The following OR1J2 variants were observed in gnomAD, a reference collection of about 807,000 sequenced individuals.
OR1J2 encodes the protein olfactory receptor family 1 subfamily J member 2, also known as olfactory receptor 1J2.
For synonymous variants in OR1J2, 142 were observed against 99.7 expected (o/e 1.42, Z -2.52); for missense variants, 304 against 246.1 (o/e 1.24, Z -1.57).
the OR1J2 span, among the ~76,000 whole-genome samples, chr9:122,542,850 C>A: frequency 1.3e-5 from 2 of 152,274 alleles, no homozygotes; most frequent in African/African-American, 4.8e-5. Context: ...TTCCCAGAGT[C>A]AAATTAATAG....
chr9:122,572,371 G>A, the OR1J2 span, among the ~76,000 whole-genome samples: 1 of 152,142 alleles, frequency 6.6e-6, no homozygotes, highest in African/African-American at 2.4e-5. Flanking sequence ...GGCTGCCTTG[G>A]GAATACAGAA....
At chr9:122,457,319 T>A in the OR1J2 span, among the ~76,000 whole-genome samples, 3 of 152,022 alleles carry the variant, frequency 2.0e-5, no homozygotes, top group Non-Finnish European at 4.4e-5. Context: ...CAAACCACCA[T>A]GGCACACGTT....
the OR1J2 span, chr9:122,553,432 C>G: frequency 3.7e-6 from 6 of 1,614,058 alleles, no homozygotes; most frequent in Non-Finnish European, 5.1e-6. Context: ...TTAACTGATG[C>G]CTGTTTCACT....
the OR1J2 span, among the ~76,000 whole-genome samples, chr9:122,546,486 T>G: frequency 2.0e-5 from 3 of 152,190 alleles, no homozygotes; most frequent in African/African-American, 7.2e-5. Context: ...CCTGCTGCCT[T>G]GCTGTGAGCT....
the OR1J2 span, among the ~76,000 whole-genome samples, chr9:122,525,804 T>G: frequency 6.6e-6 from 1 of 152,192 alleles, no homozygotes; most frequent in Non-Finnish European, 1.5e-5. Flanking sequence ...TCTCTTTAGC[T>G]ATTCTGCAGC....
chr9:122,477,289 C>T, the OR1J2 span: 12 of 1,613,982 alleles, frequency 7.4e-6, 1 homozygote, highest in South Asian at 1.1e-4. Context: ...AACCAGGATG[C>T]ACAGGAATGG....
At chr9:122,477,863 C>G in the OR1J2 span, 990 of 1,613,738 alleles carry the variant, frequency 6.1e-4, 2 homozygotes, top group Non-Finnish European at 8.1e-4. Flanking sequence ...GCCTGCTGCT[C>G]TGGCCGGATG....
chr9:122,559,180 G>A, the OR1J2 span, among the ~76,000 whole-genome samples: 1 of 151,990 alleles, frequency 6.6e-6, no homozygotes, highest in Non-Finnish European at 1.5e-5. Flanking sequence ...TAGATCTGTT[G>A]ACTAACCTAT....
At chr9:122,475,611 G>T in the OR1J2 span, 8 of 152,090 alleles carry the variant, frequency 5.3e-5, no homozygotes. Context: ...CAAGTGTTAC[G>T]ATATTGATTA....
At chr9:122,561,677 G>A in the OR1J2 span, among the ~76,000 whole-genome samples, 3 of 152,148 alleles carry the variant, frequency 2.0e-5, no homozygotes, top group African/African-American at 4.8e-5. Context: ...GTCACTGGGG[G>A]AAGCTGGAGA....
At chr9:122,458,969 C>G in the OR1J2 span, among the ~76,000 whole-genome samples, 4 of 151,836 alleles carry the variant, frequency 2.6e-5, no homozygotes, top group African/African-American at 9.7e-5. Flanking sequence ...TTATCTGTCT[C>G]TTTTCATCCT....
At chr9:122,478,428 G>T in the OR1J2 span, among the ~76,000 whole-genome samples, 1 of 152,168 alleles carries the variant, frequency 6.6e-6, no homozygotes, top group South Asian at 2.1e-4. Context: ...TATTTTGTGT[G>T]CAATGACCTA....
At chr9:122,509,359 T>C (rs952804593), upstream of OR1J2, among the ~76,000 whole-genome samples, 4 of 152,166 alleles carry the variant, frequency 2.6e-5, no homozygotes, top group African/African-American at 9.7e-5. Flanking sequence ...GATAATAGCC[T>C]TCACAGTTTG....
chr9:122,526,998 A>G, the OR1J2 span: 6 of 1,614,060 alleles, frequency 3.7e-6, no homozygotes, highest in Non-Finnish European at 5.1e-6. Context: ...AAAGAAATAC[A>G]TTTGCGTGAG....
chr9:122,476,371 AC>A, the OR1J2 span, among the ~76,000 whole-genome samples: 1 of 152,370 alleles, frequency 6.6e-6, no homozygotes, highest in South Asian at 2.1e-4. Flanking sequence ...ACATTTTATA[AC>A]AAATTTAAAA....
the OR1J2 span, among the ~76,000 whole-genome samples, chr9:122,577,269 A>G: frequency 5.9e-5 from 9 of 152,210 alleles, no homozygotes; most frequent in Non-Finnish European, 1.3e-4. Context: ...AGACATAGAC[A>G]GTGTTAAGCA....
chr9:122,550,904 C>T, the OR1J2 span, among the ~76,000 whole-genome samples: 1 of 151,628 alleles, frequency 6.6e-6, no homozygotes, highest in Non-Finnish European at 1.5e-5. Flanking sequence ...AACTGGAAGT[C>T]CTTAACCAGA....
At chr9:122,569,666 TTTTA>T in the OR1J2 span, among the ~76,000 whole-genome samples, 1 of 13,070 alleles carries the variant, frequency 7.7e-5, no homozygotes, top group Non-Finnish European at 2.2e-4. Context: ...CTTCATTTTA[TTTTA>T]TTTTATTTTA....
At chr9:122,451,540 T>G in the OR1J2 span, among the ~76,000 whole-genome samples, 1 of 152,212 alleles carries the variant, frequency 6.6e-6, no homozygotes, top group Admixed American at 6.5e-5. Flanking sequence ...TGTCACTTTT[T>G]AAAAGCTAAA....
Sources: allele counts gnomAD v4.1 joint callset (sites outside exome capture counted in the v4.1 genomes callset), GRCh38; gene constraint gnomAD v4.1.1; transcripts MANE v1.5; gene names NCBI Gene and HGNC (gene_info 2026-07-23, HGNC 2026-07-21).